HEATR5A: variants seen among roughly 807,000 people sequenced by gnomAD.
HEATR5A encodes HEAT repeat containing 5A, also known as HEAT repeat-containing protein 5A.
A neutral mutation model predicts 218.8 loss-of-function variants in HEATR5A; 178 were observed. That is an observed-to-expected ratio of 0.81 (90% CI 0.72 to 0.92). The LOEUF (loss-of-function observed/expected upper bound fraction) is 0.92, where lower values mean the gene tolerates loss of function less well. Among genes scored for constraint, HEATR5A ranks in the 40% least tolerant of loss-of-function variants. The pLI, the probability that HEATR5A is intolerant of heterozygous loss-of-function variation, is 0.00. For missense variants in HEATR5A, 2,420 were observed against 2,418.9 expected, an observed-to-expected ratio of 1.00 and a Z score of -0.01; for synonymous variants, 864 against 871.6, an observed-to-expected ratio of 0.99 and a Z score of 0.15.
intron 1 of HEATR5A, among the ~76,000 whole-genome samples, chr14:31,404,607 A>G (rs181261701): frequency 7.9e-5 from 12 of 152,312 alleles, no homozygotes; most frequent in Admixed American, 1.3e-4. Context: ...AAGATTGCAC[A>G]TAAAAATCTG....
intron 34 of HEATR5A, among the ~76,000 whole-genome samples, chr14:31,295,176 T>C (rs989168767): frequency 3.9e-5 from 6 of 152,044 alleles, no homozygotes; most frequent in African/African-American, 1.4e-4. Context: ...CATAAAAGAA[T>C]GGGATAAATT....
chr14:31,365,863 C>A (rs901802141), intron 13 of HEATR5A, among the ~76,000 whole-genome samples: 1 of 151,716 alleles, frequency 6.6e-6, no homozygotes, highest in South Asian at 2.1e-4. Flanking sequence ...TGGGGTTTCA[C>A]CATGTTGCCC....
chr14:31,396,851 G>A (rs1440067252), intron 4 of HEATR5A, among the ~76,000 whole-genome samples: 2 of 152,136 alleles, frequency 1.3e-5, no homozygotes, highest in East Asian at 3.9e-4. Context: ...ATACTTATCA[G>A]TAACTTACAA....
At chr14:31,296,181 G>A (rs372956488) in intron 33 of HEATR5A, 118 bp from the exon 34 acceptor site, 64 of 680,550 alleles carry the variant, frequency 9.4e-5, no homozygotes, top group Non-Finnish European at 1.3e-4. Context: ...CACAATGAAC[G>A]CTGACTAAGA....
intron 18 of HEATR5A, among the ~76,000 whole-genome samples, chr14:31,349,247 G>C (rs999028924): frequency 2.0e-5 from 3 of 152,218 alleles, no homozygotes; most frequent in Middle Eastern, 3.4e-3. Context: ...AAAAGTAGCC[G>C]GGTGGTGGCA....
intron 16 of HEATR5A, 145 bp downstream of exon 16, chr14:31,358,492 C>T: frequency 4.2e-6 from 3 of 706,348 alleles, no homozygotes; most frequent in Non-Finnish European, 7.0e-6. Context: ...TAAGTATTAG[C>T]CAAGTGAATA....
intron 30 of HEATR5A, 71 bp downstream of exon 30, chr14:31,307,822 T>C (rs1178446062): frequency 3.3e-6 from 5 of 1,526,856 alleles, no homozygotes; most frequent in Non-Finnish European, 3.5e-6. Context: ...CTGTTAACTA[T>C]AGAAACCTGA....
At chr14:31,332,427 C>T (rs543443238) in intron 22 of HEATR5A, among the ~76,000 whole-genome samples, 5 of 152,286 alleles carry the variant, frequency 3.3e-5, no homozygotes, top group African/African-American at 1.2e-4. Context: ...CAATGAATAA[C>T]ACCGCAATGG....
chr14:31,356,803 A>G (rs1048216371), intron 16 of HEATR5A, among the ~76,000 whole-genome samples: 9 of 152,212 alleles, frequency 5.9e-5, no homozygotes, highest in African/African-American at 1.9e-4. Context: ...AAACTTCTCT[A>G]GAATAGTAAA....
intron 31 of HEATR5A, among the ~76,000 whole-genome samples, 199 bp downstream of exon 31, chr14:31,306,532 TC>T (rs1244994960): frequency 6.6e-6 from 1 of 152,148 alleles, no homozygotes; most frequent in Non-Finnish European, 1.5e-5. Flanking sequence ...GACTCTACTT[TC>T]AGGGATCATT....
At position 31,323,766 on chromosome 14, in the gene HEATR5A, C is replaced by T; in HGVS notation, c.3586G>A (p.Glu1196Lys). The T allele has an allele frequency of 6.2e-7, 1 of 1,604,324 alleles. No homozygotes were observed. Among genetic ancestry groups the T allele is most frequent in the Middle Eastern group, 1.7e-4 (1 of 6,044 alleles). Residue 1196 changes from glutamate to lysine, a missense_variant, in exon 24 of 36, where the codon GAA (glutamate) becomes AAA (lysine). Physicochemically the swap from Glu to Lys is moderately conservative, Grantham distance 56. Transcript: ENST00000543095. ...AVTCVDTMQE[E>K]EGDKGDDASV... ...GCATCATCCCCTTTATCTCCTTCTT[C>T]TTCTTGCATTGTATCCACACAAGTT...
chr14:31,369,550 G>A (rs1901940386), intron 13 of HEATR5A, among the ~76,000 whole-genome samples: 1 of 131,584 alleles, frequency 7.6e-6, no homozygotes, highest in South Asian at 2.5e-4. Context: ...GGTGGAGATT[G>A]CAGTGAGTGG....
Position 31,362,007 on chromosome 14 carries a change from C to A in HEATR5A, c.2071+2182G>T, listed in dbSNP as rs546043503. ...AGAGATGGAATCTCACTCTGCCACCCAGGCTGCAGTGCAGTGGCACGATCT... is the reference window on the plus strand; with the variant it reads ...AGAGATGGAATCTCACTCTGCCACCAAGGCTGCAGTGCAGTGGCACGATCT... On this transcript the variant is annotated intron_variant, in intron 14 of 35. Transcript: ENST00000543095. Among the ~76,000 whole-genome samples, 4 of 152,144 alleles carry A rather than the reference C, an allele frequency of 2.6e-5. No individual in the cohort carries two copies. The East Asian group carries it at 7.7e-4, about 29-fold the overall frequency.
intron 19 of HEATR5A, among the ~76,000 whole-genome samples, chr14:31,345,608 C>T (rs775349046): frequency 1.3e-5 from 2 of 152,152 alleles, no homozygotes; most frequent in Non-Finnish European, 2.9e-5. Flanking sequence ...TCTACAATTA[C>T]ATTCAACAAT....
chr14:31,356,541 ATT>A (rs1286863916), intron 16 of HEATR5A, among the ~76,000 whole-genome samples: 1 of 151,836 alleles, frequency 6.6e-6, no homozygotes, highest in South Asian at 2.1e-4. Context: ...GTCACCTACT[ATT>A]TTTTTTCCAA....
In HEATR5A at chr14:31,306,916, A is replaced by C. The variant is rs759041359; in HGVS notation, c.4819-37T>G. 507 of 1,482,304 alleles carry C rather than the reference A, an allele frequency of 3.4e-4. 1 individual carries two copies. Among genetic ancestry groups the C allele is most frequent in the Non-Finnish European group, 4.4e-4 (488 of 1,098,126 alleles). The allele number at this position is 1,482,304 out of a possible 1,614,324, so 91.8% of individuals were successfully genotyped here. On this transcript the variant is annotated intron_variant, in intron 30 of 35. Transcript: ENST00000543095. Reference sequence around the variant, plus strand: ...ATCATGTACAGGACACTGTATTAGAAATTATACATTTCTTTTGTAAAAAAT... The same window carrying C: ...ATCATGTACAGGACACTGTATTAGACATTATACATTTCTTTTGTAAAAAAT...
At chr14:31,320,707 G>A in intron 25 of HEATR5A, 1 of 412,184 alleles carries the variant, frequency 2.4e-6, no homozygotes, top group Non-Finnish European at 4.5e-6. Flanking sequence ...AACCTTTAAA[G>A]TTACAAAACA....
At chr14:31,312,799 G>A (rs1899799616) in intron 28 of HEATR5A, among the ~76,000 whole-genome samples, 169 bp downstream of exon 28, 1 of 152,072 alleles carries the variant, frequency 6.6e-6, no homozygotes, top group African/African-American at 2.4e-5. Flanking sequence ...TTGGGAGGCT[G>A]AGGTGGGAGG....
At chr14:31,313,295 G>T (rs893768873) in intron 27 of HEATR5A, 105 bp from the exon 28 acceptor site, 2 of 811,394 alleles carry the variant, frequency 2.5e-6, no homozygotes, top group African/African-American at 1.7e-5. Flanking sequence ...TGAGCATACT[G>T]GACTTGAAAT....
Sources: allele counts gnomAD v4.1 joint callset (sites outside exome capture counted in the v4.1 genomes callset), GRCh38; gene constraint gnomAD v4.1.1; transcripts MANE v1.5; gene names NCBI Gene and HGNC (gene_info 2026-07-23, HGNC 2026-07-21).